Variants in DLGAP2 observed in about 807,000 individuals in gnomAD.
DLGAP2 encodes the protein disks large-associated protein 2.
Under a neutral mutation model 100.3 loss-of-function variants are expected in DLGAP2, and 26 were observed. The observed-to-expected ratio is 0.26, with a 90% CI of 0.19 to 0.36. DLGAP2 has a LOEUF of 0.36. Among genes scored for constraint, DLGAP2 ranks in the 10% least tolerant of loss-of-function variants. The pLI is 1.00. For missense variants in DLGAP2, 1,858 were observed against 1,453.2 expected, an observed-to-expected ratio of 1.28 and a Z score of -4.53; for synonymous variants, 886 against 630.1, an observed-to-expected ratio of 1.41 and a Z score of -6.08.
intron 2 of DLGAP2, among the ~76,000 whole-genome samples, chr8:1,178,951 G>A (rs1274974743): frequency 1.3e-5 from 2 of 151,912 alleles, no homozygotes; most frequent in South Asian, 2.1e-4. Context: ...TGGGGCCCAC[G>A]CCGCCCTGGT....
chr8:915,020 G>C (rs900785221), intron 2 of DLGAP2, among the ~76,000 whole-genome samples: 3 of 152,202 alleles, frequency 2.0e-5, no homozygotes, highest in Admixed American at 2.0e-4. Flanking sequence ...GTAACTTTGT[G>C]TGTAACTATC....
intron 1 of DLGAP2, among the ~76,000 whole-genome samples, chr8:889,182 C>T (rs537007435): frequency 3.3e-5 from 5 of 152,232 alleles, no homozygotes; most frequent in Admixed American, 2.6e-4. Context: ...ATTTTCACTT[C>T]TTTTGTGGTG....
intron 2 of DLGAP2, among the ~76,000 whole-genome samples, chr8:1,081,675 T>G (rs1182614900): frequency 6.6e-6 from 1 of 152,172 alleles, no homozygotes; most frequent in African/African-American, 2.4e-5. Context: ...TATTCAAGAT[T>G]GTGTTCCTTT....
At position 1,202,296 on chromosome 8, in the gene DLGAP2, A is replaced by ATGTGTGTGTG. The variant is rs35325269; in HGVS notation, c.74-56547_74-56538dup. On this transcript the variant is annotated intron_variant, in intron 2 of 14. Coordinates refer to ENST00000637795, the MANE Select transcript of DLGAP2 (RefSeq NM_001346810.2). ...TGTCTGTGGTGCATGTATGTAGTAT[A>ATGTGTGTGTG]TGTGTGTGTGTGTGTGTATGTACTG... 6.3e-3 allele frequency among the ~76,000 whole-genome samples: 941 copies of ATGTGTGTGTG among 149,436 alleles called. 3 individuals are homozygous for ATGTGTGTGTG. Among genetic ancestry groups the ATGTGTGTGTG allele is most frequent in the Middle Eastern group, 0.024 (7 of 292 alleles).
chr8:974,971 TC>T (rs1800125966), intron 2 of DLGAP2, among the ~76,000 whole-genome samples: 1 of 152,020 alleles, frequency 6.6e-6, no homozygotes, highest in Non-Finnish European at 1.5e-5. Context: ...TTTGAAAAGA[TC>T]AAAACACTTG....
chr8:1,425,368 G>C (rs188743492), intron 3 of DLGAP2, among the ~76,000 whole-genome samples: 1 of 152,140 alleles, frequency 6.6e-6, no homozygotes, highest in Admixed American at 6.5e-5. Flanking sequence ...CATCTTCCCC[G>C]GGAGGCCAGC....
intron 2 of DLGAP2, among the ~76,000 whole-genome samples, chr8:1,121,794 C>T (rs1231444740): frequency 6.6e-6 from 1 of 152,048 alleles, no homozygotes; most frequent in South Asian, 2.1e-4. Flanking sequence ...CCTTAGAACC[C>T]GTGGCCTCTC....
chr8:1,028,823 A>T (rs146060055), intron 2 of DLGAP2, among the ~76,000 whole-genome samples: 17 of 152,298 alleles, frequency 1.1e-4, no homozygotes, highest in African/African-American at 3.8e-4. Context: ...CATTTTCAGA[A>T]GCTCCCTCAG....
chr8:1,242,016 G>A (rs530638166), intron 2 of DLGAP2, among the ~76,000 whole-genome samples: 235 of 152,286 alleles, frequency 1.5e-3, no homozygotes, highest in Admixed American at 2.4e-3. Flanking sequence ...GGAATGGTAC[G>A]CAGGTAGACT....
chr8:930,059 G>A (rs1798920402), intron 2 of DLGAP2, among the ~76,000 whole-genome samples: 1 of 152,108 alleles, frequency 6.6e-6, no homozygotes, highest in Non-Finnish European at 1.5e-5. Context: ...GTGCCTGTCA[G>A]TCTGAGACAG....
rs549987762 is a variant in DLGAP2 at position 1,206,135 on chromosome 8, G to C, written c.74-52716G>C. Among the ~76,000 whole-genome samples the C allele has an allele frequency of 9.5e-4, 144 of 152,168 alleles. 1 individual carries two copies. Among genetic ancestry groups the C allele is most frequent in the Non-Finnish European group, 1.8e-3 (120 of 68,026 alleles). On this transcript the variant is annotated intron_variant, in intron 2 of 14. Coordinates refer to ENST00000637795, the MANE Select transcript of DLGAP2 (RefSeq NM_001346810.2). ...AAGGTGATGTTACTGTGAGCTGCTC[G>C]GTGGATCACAAAGGAGTTTGAAGGG...
chr8:1,351,924 C>G (rs113972192), intron 3 of DLGAP2, among the ~76,000 whole-genome samples: 305 of 22,208 alleles, frequency 0.014, no homozygotes, highest in East Asian at 0.035. Flanking sequence ...AGGCCGTGCG[C>G]GTCCTGACTG....
At chr8:1,149,956 G>A (rs896126201) in intron 2 of DLGAP2, among the ~76,000 whole-genome samples, 2 of 152,204 alleles carry the variant, frequency 1.3e-5, no homozygotes, top group South Asian at 4.1e-4. Flanking sequence ...CCTGCTCTGT[G>A]TTTAGCCACA....
At chr8:1,292,398 G>T (rs7463604) in intron 3 of DLGAP2, among the ~76,000 whole-genome samples, 18,857 of 152,210 alleles carry the variant, frequency 0.12, 1,499 homozygotes, top group East Asian at 0.24. Context: ...GTCAGGGAGA[G>T]CTGCCTCCAG....
At chr8:923,282 T>A (rs1207004916) in intron 2 of DLGAP2, among the ~76,000 whole-genome samples, 7 of 152,210 alleles carry the variant, frequency 4.6e-5, no homozygotes, top group Non-Finnish European at 1.0e-4. Flanking sequence ...AGACGGCTGG[T>A]CTGTGTCAGT....
rs1459099838 is a variant in DLGAP2 at position 1,701,638 on chromosome 8, C to T, written c.*232C>T. ...TTGTTGTTGTTCACGGGTGGCCTGG[C>T]TCACACTTGGCTCTGAGGGACAGGT... On this transcript the variant is annotated 3_prime_UTR_variant, in exon 15 of 15. Coordinates refer to ENST00000637795, the MANE Select transcript of DLGAP2 (RefSeq NM_001346810.2). 5.2e-6 allele frequency: 3 copies of T among 577,116 alleles called. No individual in the cohort carries two copies. The allele number at this position is 577,116 out of a possible 1,614,324, so 35.7% of individuals were successfully genotyped here. A position where few individuals can be genotyped will look rare whatever the true frequency, so the allele number is the denominator to read the frequency against.
intron 3 of DLGAP2, among the ~76,000 whole-genome samples, chr8:1,438,175 G>A (rs1039246029): frequency 3.9e-5 from 6 of 152,072 alleles, no homozygotes; most frequent in African/African-American, 1.5e-4. Flanking sequence ...TGGTTACGAG[G>A]GGCAACCAGC....
chr8:1,263,334 A>T (rs1267574109), intron 3 of DLGAP2, among the ~76,000 whole-genome samples: 1 of 152,172 alleles, frequency 6.6e-6, no homozygotes, highest in Non-Finnish European at 1.5e-5. Context: ...ATCTGTTTTC[A>T]TTTTTGTTGT....
intron 2 of DLGAP2, among the ~76,000 whole-genome samples, chr8:1,119,547 A>G (rs554678828): frequency 9.2e-5 from 14 of 152,344 alleles, no homozygotes; most frequent in Middle Eastern, 3.4e-3. Context: ...TAGCAGGGGC[A>G]GTAGCTGAGA....
Sources: gnomAD v4.1 joint callset for allele counts (sites outside exome capture counted in the v4.1 genomes callset) on GRCh38, gnomAD v4.1.1 for gene constraint, MANE v1.5 for transcripts, NCBI Gene and HGNC (gene_info 2026-07-23, HGNC 2026-07-21) for gene names.